JAKMIP1: variants seen among roughly 807,000 people sequenced by gnomAD.
JAKMIP1 encodes the protein janus kinase and microtubule interacting protein 1.
A neutral mutation model predicts 113.0 loss-of-function variants in JAKMIP1; 33 were observed. The observed-to-expected ratio is 0.29, with a 90% CI of 0.22 to 0.39. JAKMIP1 has a LOEUF of 0.39. Among genes scored for constraint, JAKMIP1 ranks in the 10% least tolerant of loss-of-function variants. The probability of loss-of-function intolerance (pLI) is 1.00; values close to 1 mark genes in which losing one functional copy is unlikely to be tolerated. For missense variants in JAKMIP1, 813 were observed against 1,080.5 expected, an observed-to-expected ratio of 0.75 and a Z score of 3.47; for synonymous variants, 480 against 459.9, an observed-to-expected ratio of 1.04 and a Z score of -0.56.
In JAKMIP1 at chr4:6,042,061, C is replaced by A; in HGVS notation, c.2097+98G>T. On this transcript the variant is annotated intron_variant, in intron 17 of 20. Transcript: ENST00000409021. The surrounding 1 kb of genome is among the most constrained non-coding windows in gnomAD (Gnocchi z 5.2). ...CAAAAGCAAAATTGAGAAATGCATG[C>A]AAATCATTAGGAAAACACATGCAAA... 3 of 986,774 alleles carry A rather than the reference C, an allele frequency of 3.0e-6. No homozygotes were observed. 61.1% of individuals were successfully genotyped at this position (986,774 alleles called of 1,614,324 possible).
rs1049219943 is a variant in JAKMIP1 at position 6,081,242 on chromosome 4, G to C, written c.1101+367C>G. Among the ~76,000 whole-genome samples, 1 of 152,218 alleles carries C rather than the reference G, an allele frequency of 6.6e-6. No homozygotes were observed. Among genetic ancestry groups the C allele is most frequent in the African/African-American group, 2.4e-5 (1 of 41,438 alleles). On this transcript the variant is annotated intron_variant, in intron 6 of 20. Coordinates refer to ENST00000409021, the MANE Select transcript of JAKMIP1 (RefSeq NM_001099433.2). The surrounding 1 kb of genome is among the most constrained non-coding windows in gnomAD (Gnocchi z 4.6). ...ATCATTGTAACAGCTTTCACTTGCT[G>C]GGTGTCCTCTGGGCCCGTTCCCTGT...
chr4:6,046,849 G>A (rs1179739469), intron 16 of JAKMIP1, among the ~76,000 whole-genome samples: 2 of 152,146 alleles, frequency 1.3e-5, no homozygotes, highest in East Asian at 3.9e-4. Context: ...CCTGCAGAGG[G>A]CTGCTATCAC....
In JAKMIP1 at chr4:6,069,971, A is replaced by C. The variant is rs1578147648; in HGVS notation, c.1303-4963T>G. 2.5e-6 allele frequency: 1 copy of C among 397,198 alleles called. No individual in the cohort carries two copies. Among genetic ancestry groups the C allele is most frequent in the African/African-American group, 2.1e-5 (1 of 48,654 alleles). 24.6% of individuals were successfully genotyped at this position (397,198 alleles called of 1,614,324 possible). On this transcript the variant is annotated intron_variant, in intron 8 of 20. Transcript: ENST00000409021. This position sits in a 1 kb window ranked among gnomAD's most constrained non-coding sequence, Gnocchi z 4.5. ...CCTTCCTATCATTTTCAACAGAGCC[A>C]CCTGTCACAGGCAGGAGCATCGGTC...
At chr4:6,070,816 A>G (rs1487681807) in intron 8 of JAKMIP1, among the ~76,000 whole-genome samples, 1 of 149,478 alleles carries the variant, frequency 6.7e-6, no homozygotes, top group East Asian at 2.1e-4. Flanking sequence ...ATAGGCCAAA[A>G]CAAACCATTA....
At chr4:6,036,442 C>T (rs1005935746) in intron 18 of JAKMIP1, among the ~76,000 whole-genome samples, 4 of 152,212 alleles carry the variant, frequency 2.6e-5, no homozygotes, top group Admixed American at 1.3e-4. Flanking sequence ...TTATTCCATC[C>T]TTGGTTTCCA....
chr4:6,036,950 A>AGCCC (rs1713544617), intron 18 of JAKMIP1, among the ~76,000 whole-genome samples: 3 of 149,854 alleles, frequency 2.0e-5, no homozygotes, highest in African/African-American at 7.4e-5. Context: ...GCTAACCGGT[A>AGCCC]TCCCTCCATC....
rs907686689 is a variant in JAKMIP1 at position 6,031,014 on chromosome 4, C to T, written c.2380-1233G>A. On this transcript the variant is annotated intron_variant, in intron 19 of 20. Transcript: ENST00000409021. This position sits in a 1 kb window ranked among gnomAD's most constrained non-coding sequence, Gnocchi z 4.4. ...CACTCAGTAAATAGGACTCCATATG[C>T]CTGGGCCTGTTCCAGTCCTGGAGAG... is the stretch of plus-strand genomic sequence containing the variant. 6.6e-6 allele frequency among the ~76,000 whole-genome samples: 1 copy of T among 152,204 alleles called. No individual in the cohort carries two copies. The highest frequency in any genetic ancestry group is 2.4e-5 in the African/African-American group (1 of 41,448).
chr4:6,067,636 C>CTCT lies in JAKMIP1; in HGVS notation c.1303-2631_1303-2629dup, dbSNP rs1219340448. On this transcript the variant is annotated intron_variant, in intron 8 of 20. Coordinates refer to ENST00000409021, the MANE Select transcript of JAKMIP1 (RefSeq NM_001099433.2). The surrounding 1 kb of genome is among the most constrained non-coding windows in gnomAD (Gnocchi z 4.6). ...CCCCTGAGCTCCAGGTTCACTCAAG[C>CTCT]TCTTCTGCACACACACACACAGGTC... is the stretch of plus-strand genomic sequence containing the variant. Among the ~76,000 whole-genome samples, 1 of 148,256 alleles carries CTCT rather than the reference C, an allele frequency of 6.7e-6. No homozygotes were observed. The highest frequency in any genetic ancestry group is 2.5e-5 in the African/African-American group (1 of 40,510).
Position 6,162,965 on chromosome 4 carries a change from C to G in JAKMIP1, c.-148+37288G>C, listed in dbSNP as rs1421579640. ...CCATGTGAGGCCACAGCATCAGACA[C>G]GGGAAGATGCTGGGAACATCTGGTT... On this transcript the variant is annotated intron_variant, in intron 1 of 20. Coordinates refer to ENST00000409021, the MANE Select transcript of JAKMIP1 (RefSeq NM_001099433.2). The surrounding 1 kb of genome is among the most constrained non-coding windows in gnomAD (Gnocchi z 5.6). Among the ~76,000 whole-genome samples, 1 of 152,224 alleles carries G rather than the reference C, an allele frequency of 6.6e-6. No homozygotes were observed. The highest frequency in any genetic ancestry group is 2.4e-5 in the African/African-American group (1 of 41,464).
rs1722099176 is a variant in JAKMIP1, at chr4:6,155,314, C to T, written c.-147-42317G>A. ...GCAACCACCACTCAACCACCACCAC[C>T]GCGAATGTTTACCCAGCCCTTATCC... is the stretch of plus-strand genomic sequence containing the variant. On this transcript the variant is annotated intron_variant, in intron 1 of 20. Transcript: ENST00000409021. The surrounding 1 kb of genome is among the most constrained non-coding windows in gnomAD (Gnocchi z 6.1). Among the ~76,000 whole-genome samples the T allele has an allele frequency of 6.6e-6, 1 of 152,186 alleles. No individual in the cohort carries two copies. Among genetic ancestry groups the T allele is most frequent in the Admixed American group, 6.5e-5 (1 of 15,284 alleles).
intron 1 of JAKMIP1, among the ~76,000 whole-genome samples, chr4:6,130,406 G>A (rs1718334485): frequency 6.6e-6 from 1 of 152,208 alleles, no homozygotes; most frequent in South Asian, 2.1e-4. Flanking sequence ...CAGACAGGCA[G>A]ATACACAGAA....
intron 18 of JAKMIP1, among the ~76,000 whole-genome samples, chr4:6,037,268 T>C (rs1371553329): frequency 5.9e-5 from 6 of 100,906 alleles, no homozygotes; most frequent in South Asian, 3.2e-4. Context: ...CATCACTGAG[T>C]CAGAGGTTAA....
At chr4:6,161,006 G>T (rs1578421236) in intron 1 of JAKMIP1, among the ~76,000 whole-genome samples, 1 of 85,258 alleles carries the variant, frequency 1.2e-5, no homozygotes, top group Non-Finnish European at 2.2e-5. Context: ...CCATTCATCT[G>T]CCCTCACCTC....
intron 1 of JAKMIP1, among the ~76,000 whole-genome samples, chr4:6,170,727 C>T (rs1221505923): frequency 4.9e-5 from 4 of 82,418 alleles, no homozygotes; most frequent in Admixed American, 3.6e-4. Context: ...TCCCCATCCC[C>T]ATCACCACCC....
Position 6,162,155 on chromosome 4 carries a change from G to A in JAKMIP1, c.-148+38098C>T, listed in dbSNP as rs986105509. Among the ~76,000 whole-genome samples the A allele has an allele frequency of 2.0e-5, 3 of 152,140 alleles. No individual in the cohort carries two copies. Among genetic ancestry groups the A allele is most frequent in the Non-Finnish European group, 4.4e-5 (3 of 68,030 alleles). ...AAGAGGTCAGCAGGGCCTCAGGGAA[G>A]GTCACCAAGGGGCTGTGAGCTTGGA... On this transcript the variant is annotated intron_variant, in intron 1 of 20. Transcript: ENST00000409021. This position sits in a 1 kb window ranked among gnomAD's most constrained non-coding sequence, Gnocchi z 5.6.
chr4:6,087,901 C>T (rs556659717), intron 3 of JAKMIP1, among the ~76,000 whole-genome samples: 1 of 152,302 alleles, frequency 6.6e-6, no homozygotes, highest in Admixed American at 6.5e-5. Flanking sequence ...TGATGATCCA[C>T]CAGCATCTAC....
intron 20 of JAKMIP1, 132 bp downstream of exon 20, chr4:6,029,584 T>G: frequency 1.5e-6 from 1 of 659,106 alleles, no homozygotes; most frequent in East Asian, 2.8e-5. Context: ...GAGATGCTGA[T>G]TTAGGGGAAG....
At chr4:6,036,529 C>T (rs150135636) in intron 18 of JAKMIP1, among the ~76,000 whole-genome samples, 81 of 152,304 alleles carry the variant, frequency 5.3e-4, no homozygotes, top group Middle Eastern at 6.8e-3. Context: ...TGGATTTGCA[C>T]ACATTTGGTT....
At position 6,054,949 on chromosome 4, in the gene JAKMIP1, C is replaced by T. The variant is rs1578104388; in HGVS notation, c.1708-801G>A. ...GGGGGTGAGGGTTTTCTGCGGCTCCCTGGATTTAGTGAACAAGACACCAAA... is the reference window on the plus strand; with the variant it reads ...GGGGGTGAGGGTTTTCTGCGGCTCCTTGGATTTAGTGAACAAGACACCAAA... On this transcript the variant is annotated intron_variant, in intron 12 of 20. Coordinates refer to ENST00000409021, the MANE Select transcript of JAKMIP1 (RefSeq NM_001099433.2). The T allele has an allele frequency of 9.2e-6, 4 of 434,352 alleles. No individual in the cohort carries two copies. The East Asian group carries it at 2.8e-4, about 31-fold the overall frequency. 26.9% of individuals were successfully genotyped at this position (434,352 alleles called of 1,614,324 possible). A position where few individuals can be genotyped will look rare whatever the true frequency, so the allele number is the denominator to read the frequency against.
Sources: allele counts gnomAD v4.1 joint callset (sites outside exome capture counted in the v4.1 genomes callset), GRCh38; gene constraint gnomAD v4.1.1; non-coding constraint Gnocchi (gnomAD v3.1); transcripts MANE v1.5; gene names NCBI Gene and HGNC (gene_info 2026-07-23, HGNC 2026-07-21).